Variants in NUCB1 observed in about 807,000 individuals in gnomAD.
NUCB1 encodes nucleobindin-1.
NUCB1 carries 47 observed loss-of-function variants against 61.2 expected under a neutral mutation model. That is an observed-to-expected ratio of 0.77 (90% confidence interval 0.61 to 0.98). The LOEUF (loss-of-function observed/expected upper bound fraction) is 0.98. NUCB1 is among the 50% of genes least tolerant of loss of function. NUCB1 has a pLI of 0.00. For missense variants in NUCB1, 583 were observed against 605.3 expected (o/e 0.96, Z 0.39); for synonymous variants, 234 against 243.1 (o/e 0.96, Z 0.35).
Position 48,907,743 on chromosome 19 carries a change from C to A in NUCB1, c.376+1858C>A, listed in dbSNP as rs541170999. ...GTCCCTCCTCTGCCCAGAGCCTGCC[C>A]CCGGCACCCCAGTGCCCTCAGGCCC... On this transcript the variant is annotated intron_variant, in intron 4 of 12. Coordinates refer to ENST00000405315, the MANE Select transcript of NUCB1 (RefSeq NM_006184.6). 9.2e-5 allele frequency among the ~76,000 whole-genome samples: 14 copies of A among 152,336 alleles called. No homozygotes were observed. The East Asian group carries it at 2.7e-3, about 29-fold the overall frequency.
At chr19:48,916,318 C>T (rs1330787030) in intron 7 of NUCB1, among the ~76,000 whole-genome samples, 2 of 152,056 alleles carry the variant, frequency 1.3e-5, no homozygotes, top group African/African-American at 2.4e-5. Context: ...CCCAGCACAG[C>T]TCTAGAGAGG....
chr19:48,920,520 T>G, intron 10 of NUCB1, among the ~76,000 whole-genome samples: 1 of 152,030 alleles, frequency 6.6e-6, no homozygotes, highest in Admixed American at 6.6e-5. Flanking sequence ...ATTTATTTAT[T>G]TATTTGTTTG....
intron 5 of NUCB1, among the ~76,000 whole-genome samples, chr19:48,911,539 A>G (rs2037474035): frequency 6.6e-6 from 1 of 150,710 alleles, no homozygotes; most frequent in African/African-American, 2.4e-5. Flanking sequence ...CCGAGTAGCT[A>G]GGATTACAGG....
At chr19:48,908,698 TCTTTCTGCCCACTTGACCAAGGG>T (rs1600056311) in intron 4 of NUCB1, among the ~76,000 whole-genome samples, 201 of 140,128 alleles carry the variant, frequency 1.4e-3, no homozygotes, top group Middle Eastern at 3.7e-3. Context: ...TGTGTGTGTG[TCTTTCTGCCCACTTGACCAAGGG>T]GTGTGTGTGT....
intron 2 of NUCB1, among the ~76,000 whole-genome samples, chr19:48,901,944 C>T (rs2037356914): frequency 6.6e-6 from 1 of 152,158 alleles, no homozygotes; most frequent in South Asian, 2.1e-4. Context: ...GTTTCCTGAG[C>T]ACCTTCTATG....
At chr19:48,902,152 C>G (rs534652074) in intron 2 of NUCB1, among the ~76,000 whole-genome samples, 5 of 152,262 alleles carry the variant, frequency 3.3e-5, no homozygotes, top group African/African-American at 1.2e-4. Flanking sequence ...CGCTCTGTCA[C>G]CAGGCTGGAG....
At chr19:48,919,330 T>C (rs779492932) in intron 10 of NUCB1, 44 bp downstream of exon 10, 1 of 1,443,548 alleles carries the variant, frequency 6.9e-7, no homozygotes, top group Admixed American at 1.7e-5. Flanking sequence ...CTCTCTCTCT[T>C]CTAGCCATGA....
intron 4 of NUCB1, among the ~76,000 whole-genome samples, chr19:48,906,507 G>A (rs1050892314): frequency 2.0e-5 from 3 of 151,904 alleles, no homozygotes; most frequent in Non-Finnish European, 2.9e-5. Context: ...AATCACTCGA[G>A]CCCAGAAGTT....
intron 4 of NUCB1, 123 bp from the exon 5 acceptor site, chr19:48,911,026 A>T (rs2037465559): frequency 1.5e-6 from 1 of 652,758 alleles, no homozygotes; most frequent in Admixed American, 2.5e-5. Flanking sequence ...TGATTGCCCC[A>T]GGTTCAAGCT....
chr19:48,913,093 G>C lies in NUCB1; in HGVS notation c.563G>C (p.Arg188Pro). The part of the protein sequence containing the change: ...RYEMLKEHER[R>P]RYLESLGEEQ... Reference sequence around the variant, plus strand: ...GAGATGCTTAAGGAACACGAGAGACGGCGTTATCTGGAGTCACTGGGAGAG... The same window carrying C: ...GAGATGCTTAAGGAACACGAGAGACCGCGTTATCTGGAGTCACTGGGAGAG... Residue 188 changes from arginine to proline, a missense_variant, in exon 6 of 13, where the codon CGG becomes CCG. Arg to Pro is a moderately radical substitution (Grantham distance 103). Coordinates refer to ENST00000405315, the MANE Select transcript of NUCB1 (RefSeq NM_006184.6). The C allele has an allele frequency of 6.2e-7, 1 of 1,613,638 alleles. No homozygotes were observed. The highest frequency in any genetic ancestry group is 8.5e-7 in the Non-Finnish European group (1 of 1,179,942).
In NUCB1 at chr19:48,903,371, C is replaced by T. The variant is rs1193116357; in HGVS notation, c.136-976C>T. Among the ~76,000 whole-genome samples the T allele has an allele frequency of 6.2e-5, 6 of 96,892 alleles. No individual in the cohort carries two copies. The East Asian group carries it at 1.4e-3, about 22-fold the overall frequency. 63.6% of individuals were successfully genotyped at this position (96,892 alleles called of 152,430 possible). ...TTGAATGAATGAATGCATGCATGGG[C>T]GGGTGGGTAGATGGATGGGCAGTTG... On this transcript the variant is annotated intron_variant, in intron 2 of 12. Coordinates refer to ENST00000405315, the MANE Select transcript of NUCB1 (RefSeq NM_006184.6).
At chr19:48,912,985 G>T in intron 5 of NUCB1, 26 bp from the exon 6 acceptor site, 3 of 1,568,608 alleles carry the variant, frequency 1.9e-6, no homozygotes, top group Non-Finnish European at 1.7e-6. Flanking sequence ...GGGGGCAGAG[G>T]GGAATGACCC....
chr19:48,901,789 CAA>C (rs745896128), intron 2 of NUCB1, among the ~76,000 whole-genome samples: 1 of 152,154 alleles, frequency 6.6e-6, no homozygotes, highest in Non-Finnish European at 1.5e-5. Context: ...TCTCAAAAAA[CAA>C]AGAATGGGCT....
rs1226668539 is a variant in NUCB1, at chr19:48,900,871, G to T, written c.75G>T (p.Leu25=). 1.2e-6 allele frequency: 2 copies of T among 1,613,926 alleles called. No individual in the cohort carries two copies. The highest frequency in any genetic ancestry group is 1.7e-6 in the Non-Finnish European group (2 of 1,180,028). ...LLLLLLLRAV[L]AVPLERGAPN... is the part of the protein sequence containing the mutation. ...TGCTGCTCCTGCTTCGCGCCGTGCT[G>T]GCTGTCCCCCTGGAGCGAGGGGCGC... The change falls in exon 2 of 13, where the codon CTG becomes CTT. Residue 25 remains leucine (L), a synonymous_variant. Coordinates refer to ENST00000405315, the MANE Select transcript of NUCB1 (RefSeq NM_006184.6).
intron 10 of NUCB1, among the ~76,000 whole-genome samples, chr19:48,919,875 C>T (rs4619510): frequency 0.088 from 13,226 of 150,060 alleles, 1,687 homozygotes; most frequent in African/African-American, 0.28. Context: ...TTCAAGCGAT[C>T]CTCCCATCTC....
intron 4 of NUCB1, among the ~76,000 whole-genome samples, chr19:48,909,637 G>A (rs1442315902): frequency 6.6e-6 from 1 of 151,950 alleles, no homozygotes; most frequent in South Asian, 2.1e-4. Context: ...CCCCTCCCAC[G>A]CTCAAGTGAT....
At chr19:48,922,106 G>A (rs1375111253) in intron 12 of NUCB1, among the ~76,000 whole-genome samples, 174 bp downstream of exon 12, 3 of 151,136 alleles carry the variant, frequency 2.0e-5, no homozygotes, top group African/African-American at 7.3e-5. Flanking sequence ...GGGAGGAGGG[G>A]CTGGGGGCTG....
rs569069601 is a variant in NUCB1 at position 48,917,152 on chromosome 19, G to A, written c.758-1574G>A. Reference sequence around the variant, plus strand: ...GTGGGAGGATCACTTGAGCCGAGGAGTTCAAGGCTTCAGTGAGCTACGATC... The same window carrying A: ...GTGGGAGGATCACTTGAGCCGAGGAATTCAAGGCTTCAGTGAGCTACGATC... On this transcript the variant is annotated intron_variant, in intron 7 of 12. Transcript: ENST00000405315. Among the ~76,000 whole-genome samples, 31 of 151,770 alleles carry A rather than the reference G, an allele frequency of 2.0e-4. No homozygotes were observed. The South Asian group carries it at 5.6e-3, about 28-fold the overall frequency.
chr19:48,913,088 G>T lies in NUCB1; in HGVS notation c.558G>T (p.Glu186Asp). 6.2e-7 allele frequency: 1 copy of T among 1,613,764 alleles called. No homozygotes were observed. Among genetic ancestry groups the T allele is most frequent in the Non-Finnish European group, 8.5e-7 (1 of 1,179,958 alleles). Residue 186 changes from glutamate to aspartate, a missense_variant, in exon 6 of 13, where the codon GAG (glutamate) becomes GAT (aspartate). Physicochemically the swap from Glu to Asp is conservative, Grantham distance 45. Transcript: ENST00000405315. ...GCTACGAGATGCTTAAGGAACACGAGAGACGGCGTTATCTGGAGTCACTGG... is the reference window on the plus strand; with the variant it reads ...GCTACGAGATGCTTAAGGAACACGATAGACGGCGTTATCTGGAGTCACTGG... ...FKRYEMLKEH[E>D]RRRYLESLGE...
Sources: allele counts gnomAD v4.1 joint callset (sites outside exome capture counted in the v4.1 genomes callset), GRCh38; gene constraint gnomAD v4.1.1; transcripts MANE v1.5; gene names NCBI Gene and HGNC (gene_info 2026-07-23, HGNC 2026-07-21).